NCOA4: variants seen among roughly 807,000 people sequenced by gnomAD.
NCOA4 encodes nuclear receptor coactivator 4, also known as 70 kDa AR-activator.
A neutral mutation model predicts 69.5 loss-of-function variants in NCOA4; 31 were observed. The ratio of observed to expected loss-of-function variants is 0.45; its 90% CI spans 0.34 to 0.60. The LOEUF is 0.60. Ranked by LOEUF, NCOA4 falls within the 20% of genes least tolerant of loss-of-function variation. NCOA4 has a pLI of 0.02. For synonymous variants in NCOA4, 228 were observed against 252.4 expected (o/e 0.90, Z 0.92); for missense variants, 600 against 719.2 (o/e 0.83, Z 1.90).
intron 1 of NCOA4, chr10:46,022,520 C>T: frequency 2.2e-6 from 1 of 447,690 alleles, no homozygotes. Flanking sequence ...GGCTGGAGTG[C>T]AGTGGCGCGA....
At chr10:46,028,507 T>G (rs1284967375) in intron 1 of NCOA4, among the ~76,000 whole-genome samples, 1 of 150,092 alleles carries the variant, frequency 6.7e-6, no homozygotes, top group Non-Finnish European at 1.5e-5. Context: ...CAATTAGCCC[T>G]CATTAAAGTG....
rs118187389 is a variant in NCOA4 at position 46,006,134 on chromosome 10, A to C, written c.*458T>G. 4.4e-3 allele frequency: 988 copies of C among 226,770 alleles called. 5 individuals are homozygous for C. The highest frequency in any genetic ancestry group is 0.014 in the East Asian group (209 of 15,332). The allele number at this position is 226,770 out of a possible 1,614,324, so 14.0% of individuals were successfully genotyped here. The stretch of plus-strand genomic sequence containing the variant: ...CTATGTATTAATAGAACAGGAAAAT[A>C]ATTATTTCAGACCACTAACAAAAGA... On this transcript the variant is annotated 3_prime_UTR_variant, in exon 10 of 10. Transcript: ENST00000581486.
chr10:46,029,544 A>G (rs1554926144), intron 1 of NCOA4, among the ~76,000 whole-genome samples: 2 of 152,228 alleles, frequency 1.3e-5, no homozygotes, highest in African/African-American at 2.4e-5. Context: ...AAGAGTCTCT[A>G]TAAACTTAGT....
At position 46,005,245 on chromosome 10, in the gene NCOA4, T is replaced by TAA; in HGVS notation, c.*1345_*1346dup. On this transcript the variant is annotated 3_prime_UTR_variant, in exon 10 of 10. Transcript: ENST00000581486. ...GAAACTACAGAGCTGCAACTCAAGA[T>TAA]AACTGGAAAGGCTCCTTACATTGTT... 1 of 213,366 alleles carries TAA rather than the reference T, an allele frequency of 4.7e-6. No individual in the cohort carries two copies. Among genetic ancestry groups the TAA allele is most frequent in the East Asian group, 7.0e-5 (1 of 14,286 alleles). The allele number at this position is 213,366 out of a possible 1,614,324, so 13.2% of individuals were successfully genotyped here. A position where few individuals can be genotyped will look rare whatever the true frequency, so the allele number is the denominator to read the frequency against.
At chr10:46,012,093 A>AAAAAAAAAC (rs1839261877) in intron 7 of NCOA4, among the ~76,000 whole-genome samples, 1 of 148,804 alleles carries the variant, frequency 6.7e-6, no homozygotes, top group Non-Finnish European at 1.5e-5. Flanking sequence ...AAAAAAAAAA[A>AAAAAAAAAC]AAAAAAAAAA....
intron 1 of NCOA4, among the ~76,000 whole-genome samples, chr10:46,028,010 T>A (rs1840251414): frequency 6.6e-6 from 1 of 152,198 alleles, no homozygotes; most frequent in Non-Finnish European, 1.5e-5. Context: ...ATTACCATCA[T>A]CTCTCTCCAG....
chr10:46,014,621 A>T, intron 4 of NCOA4, 69 bp from the exon 5 acceptor site: 1 of 1,189,518 alleles, frequency 8.4e-7, no homozygotes, highest in Non-Finnish European at 1.2e-6. Flanking sequence ...TCTAAAACAA[A>T]AGCCAAATTG....
chr10:46,023,718 C>T (rs370057859), intron 1 of NCOA4, among the ~76,000 whole-genome samples: 1 of 152,214 alleles, frequency 6.6e-6, no homozygotes, highest in Admixed American at 6.5e-5. Flanking sequence ...CGATAATGGG[C>T]CCAACTCAAT....
At chr10:46,017,623 A>AT (rs1839643625) in intron 1 of NCOA4, among the ~76,000 whole-genome samples, 1 of 152,174 alleles carries the variant, frequency 6.6e-6, no homozygotes, top group African/African-American at 2.4e-5. Flanking sequence ...TATAATATAT[A>AT]AAAGAATGTG....
Position 46,006,612 on chromosome 10 carries a change from C to T in NCOA4, c.1840-15G>A. ...TTCCTTCACATCTGTAAAGAGACAC[C>T]CACAGATGATAAGTTACTTCAATGA... On this transcript the variant is annotated splice_polypyrimidine_tract_variant and intron_variant, in intron 9 of 9. Transcript: ENST00000581486. 6.2e-7 allele frequency: 1 copy of T among 1,613,790 alleles called. No individual in the cohort carries two copies. Among genetic ancestry groups the T allele is most frequent in the African/African-American group, 1.3e-5 (1 of 75,026 alleles).
chr10:46,023,565 C>A, intron 1 of NCOA4: 3 of 974,658 alleles, frequency 3.1e-6, no homozygotes, highest in South Asian at 4.7e-5. Flanking sequence ...GCGCTCGCGG[C>A]CCCCCTGCAG....
rs782045448 is a variant in NCOA4, at chr10:46,010,307, G to A, written c.1614C>T (p.Asp538=). 6.2e-7 allele frequency: 1 copy of A among 1,614,192 alleles called. No homozygotes were observed. The highest frequency in any genetic ancestry group is 1.7e-5 in the Admixed American group (1 of 60,026). The part of the protein sequence containing the change: ...NTSWCSFNTA[D]WVLPGKKMGN... Reference sequence around the variant, plus strand: ...CCATCTTCTTTCCTGGCAGGACCCAGTCAGCTGTGTTAAAGGAACACCAGG... The same window carrying A: ...CCATCTTCTTTCCTGGCAGGACCCAATCAGCTGTGTTAAAGGAACACCAGG... The change falls in exon 8 of 10, where the codon GAC becomes GAT. Residue 538 remains aspartate (D), a synonymous_variant. Coordinates refer to ENST00000581486, the MANE Select transcript of NCOA4 (RefSeq NM_001145263.2).
chr10:46,028,539 TAA>T (rs61255702), intron 1 of NCOA4, among the ~76,000 whole-genome samples: 15 of 130,646 alleles, frequency 1.1e-4, no homozygotes, highest in Non-Finnish European at 1.2e-4. Context: ...CACCATTAAT[TAA>T]AAAAAAAAAA....
chr10:46,028,214 C>G (rs568054372), intron 1 of NCOA4, among the ~76,000 whole-genome samples: 8 of 152,278 alleles, frequency 5.3e-5, no homozygotes, highest in Admixed American at 3.9e-4. Flanking sequence ...TGAGGCCATT[C>G]CTCACCATCT....
chr10:46,014,720 C>A lies in NCOA4; in HGVS notation c.371+134G>T, dbSNP rs1023872659. On this transcript the variant is annotated intron_variant, in intron 4 of 9. Transcript: ENST00000581486. ...GTATCAGCAAGTATAATATTAAATA[C>A]ATGAAGCAGAATGATCTTATCCTAG... The A allele has an allele frequency of 2.1e-5, 17 of 799,424 alleles. No individual in the cohort carries two copies. In the African/African-American group the frequency reaches 2.8e-4, roughly 13 times the overall value. The allele number at this position is 799,424 out of a possible 1,614,324, so 49.5% of individuals were successfully genotyped here.
intron 1 of NCOA4, chr10:46,022,442 G>T (rs782818720): frequency 5.1e-5 from 23 of 455,056 alleles, no homozygotes; most frequent in Non-Finnish European, 8.6e-5. Flanking sequence ...TCTTTCTTCC[G>T]TCTTTTTTTT....
chr10:46,014,319 G>A lies in NCOA4; in HGVS notation c.480+125C>T, dbSNP rs982215749. 2.7e-4 allele frequency: 193 copies of A among 717,672 alleles called. 4 individuals are homozygous for A. In the South Asian group the frequency reaches 3.5e-3, roughly 13 times the overall value. 44.5% of individuals were successfully genotyped at this position (717,672 alleles called of 1,614,324 possible). A position where few individuals can be genotyped will look rare whatever the true frequency, so the allele number is the denominator to read the frequency against. ...GGCGTGAGCCACCACGCCCAGCTGA[G>A]AACATGAAATTTTTGAAGCTAATCA... On this transcript the variant is annotated intron_variant, in intron 5 of 9. Coordinates refer to ENST00000581486, the MANE Select transcript of NCOA4 (RefSeq NM_001145263.2).
At chr10:46,008,781 T>A (rs1272970001) in intron 9 of NCOA4, among the ~76,000 whole-genome samples, 2 of 152,232 alleles carry the variant, frequency 1.3e-5, no homozygotes, top group Non-Finnish European at 2.9e-5. Flanking sequence ...AGTCAATCGA[T>A]GCAGCAAACT....
At chr10:46,023,955 T>G (rs1043426197) in intron 1 of NCOA4, among the ~76,000 whole-genome samples, 1 of 152,254 alleles carries the variant, frequency 6.6e-6, no homozygotes. Context: ...TGTAAAATAC[T>G]TGCTGTTGTC....
Sources: allele counts gnomAD v4.1 joint callset (sites outside exome capture counted in the v4.1 genomes callset), GRCh38; gene constraint gnomAD v4.1.1; transcripts MANE v1.5; gene names NCBI Gene and HGNC (gene_info 2026-07-23, HGNC 2026-07-21).